The following PGS1 variants were observed in gnomAD, a reference collection of about 807,000 sequenced individuals.
PGS1 encodes the protein phosphatidylglycerophosphate synthase 1, also known as CDP-diacylglycerol--glycerol-3-phosphate 3-phosphatidyltransferase, mitochondrial.
A neutral mutation model predicts 58.3 loss-of-function variants in PGS1; 44 were observed. That is an observed-to-expected ratio of 0.75 (90% CI 0.59 to 0.97). The LOEUF is 0.97. Among genes scored for constraint, PGS1 ranks in the 50% least tolerant of loss-of-function variants. PGS1 has a pLI of 0.00. For synonymous variants in PGS1, 330 were observed against 311.0 expected, an observed-to-expected ratio of 1.06 and a Z score of -0.64; for missense variants, 684 against 731.1, an observed-to-expected ratio of 0.94 and a Z score of 0.74.
intron 6 of PGS1, among the ~76,000 whole-genome samples, chr17:78,403,258 T>C (rs1002934640): frequency 6.7e-6 from 1 of 150,360 alleles, no homozygotes; most frequent in Non-Finnish European, 1.5e-5. Context: ...GTAACCACTA[T>C]CCTGATTTCT....
In PGS1 at chr17:78,424,315, G is replaced by T; in HGVS notation, c.*265G>T. 1 of 819,378 alleles carries T rather than the reference G, an allele frequency of 1.2e-6. No homozygotes were observed. Among genetic ancestry groups the T allele is most frequent in the South Asian group, 1.9e-5 (1 of 52,512 alleles). The allele number at this position is 819,378 out of a possible 1,614,324, so 50.8% of individuals were successfully genotyped here. ...ACGGCTGGAAGCAGAGGCCTTCGTA[G>T]GTGATGGCCTGCATGTTGTAACTAC... On this transcript the variant is annotated 3_prime_UTR_variant, in exon 10 of 10. Transcript: ENST00000262764.
intron 1 of PGS1, among the ~76,000 whole-genome samples, chr17:78,380,360 C>T (rs1224763225): frequency 9.2e-5 from 14 of 152,214 alleles, no homozygotes; most frequent in Non-Finnish European, 1.5e-4. Context: ...ATTCTAGGTA[C>T]AGAAAAGAGC....
At chr17:78,399,325 C>G in intron 4 of PGS1, 23 bp from the exon 5 acceptor site, 17 of 1,598,246 alleles carry the variant, frequency 1.1e-5, no homozygotes, top group Non-Finnish European at 1.5e-5. Context: ...GAGTCAGGTG[C>G]CGTTTTCTCT....
At chr17:78,416,891 A>G (rs534563603) in intron 8 of PGS1, among the ~76,000 whole-genome samples, 1 of 152,256 alleles carries the variant, frequency 6.6e-6, no homozygotes, top group Non-Finnish European at 1.5e-5. Flanking sequence ...TAGCCTCCCC[A>G]CAACCCAGAA....
At chr17:78,420,531 G>A (rs1258972041) in intron 9 of PGS1, 2 of 147,794 alleles carry the variant, frequency 1.4e-5, no homozygotes, top group Non-Finnish European at 2.9e-5. Context: ...CCTTTGGATG[G>A]TGGCTTGTGG....
At chr17:78,388,441 C>T (rs376380634) in intron 1 of PGS1, among the ~76,000 whole-genome samples, 5 of 152,240 alleles carry the variant, frequency 3.3e-5, no homozygotes, top group East Asian at 1.9e-4. Context: ...GTCACGCGAT[C>T]GTCCCCCTCA....
At chr17:78,402,911 C>T (rs976004611) in intron 6 of PGS1, among the ~76,000 whole-genome samples, 1 of 152,104 alleles carries the variant, frequency 6.6e-6, no homozygotes, top group East Asian at 1.9e-4. Context: ...TGCATGGTCA[C>T]CTGTCACCAG....
intron 1 of PGS1, among the ~76,000 whole-genome samples, chr17:78,386,486 C>T (rs535291854): frequency 1.3e-5 from 2 of 152,240 alleles, no homozygotes; most frequent in South Asian, 2.1e-4. Flanking sequence ...TAGAACTGGG[C>T]GCTAGATGGT....
At chr17:78,390,391 T>C (rs558884280) in intron 1 of PGS1, among the ~76,000 whole-genome samples, 18 of 152,136 alleles carry the variant, frequency 1.2e-4, no homozygotes, top group African/African-American at 2.9e-4. Context: ...ACTTCCAGGA[T>C]CCACAGAGGC....
At chr17:78,407,468 G>A (rs1245995699) in intron 7 of PGS1, among the ~76,000 whole-genome samples, 1 of 152,236 alleles carries the variant, frequency 6.6e-6, no homozygotes, top group Admixed American at 6.5e-5. Context: ...GGCTGGCCCA[G>A]TGGACCATTC....
chr17:78,393,034 G>A (rs909311769), intron 2 of PGS1, among the ~76,000 whole-genome samples: 18 of 148,912 alleles, frequency 1.2e-4, no homozygotes, highest in Non-Finnish European at 4.5e-5. Flanking sequence ...ACTGGCCACT[G>A]TGTGCGGCCA....
intron 1 of PGS1, among the ~76,000 whole-genome samples, chr17:78,389,432 G>C (rs934406509): frequency 2.6e-5 from 4 of 151,732 alleles, no homozygotes; most frequent in Admixed American, 6.6e-5. Context: ...TGATCTGCCC[G>C]CCTTGGCCTC....
intron 2 of PGS1, among the ~76,000 whole-genome samples, chr17:78,394,578 G>A (rs981495353): frequency 6.6e-6 from 1 of 151,062 alleles, no homozygotes; most frequent in Non-Finnish European, 1.5e-5. Context: ...TTTTTAAGAC[G>A]GAGTTTCGCT....
At chr17:78,383,596 C>T (rs535460916) in intron 1 of PGS1, among the ~76,000 whole-genome samples, 1 of 152,276 alleles carries the variant, frequency 6.6e-6, no homozygotes, top group Admixed American at 6.5e-5. Context: ...GAGGGACCAC[C>T]AGATTTCCAG....
At chr17:78,423,096 C>T (rs2146377160) in intron 9 of PGS1, among the ~76,000 whole-genome samples, 1 of 92,128 alleles carries the variant, frequency 1.1e-5, no homozygotes, top group South Asian at 4.7e-4. Context: ...GAAACTCTCA[C>T]TCTCCCTCGA....
chr17:78,383,328 G>A (rs1229362752), intron 1 of PGS1, among the ~76,000 whole-genome samples: 4 of 151,968 alleles, frequency 2.6e-5, no homozygotes, highest in African/African-American at 4.8e-5. Flanking sequence ...CTGGCTTCAA[G>A]CGATTCTCCT....
chr17:78,420,722 CTTTTCA>C (rs1239513397), intron 9 of PGS1: 2 of 152,156 alleles, frequency 1.3e-5, no homozygotes, highest in Non-Finnish European at 2.9e-5. Context: ...ATTTTAATTA[CTTTTCA>C]TTTTATTTGA....
chr17:78,418,016 G>C (rs908614833), intron 8 of PGS1, among the ~76,000 whole-genome samples: 1 of 147,898 alleles, frequency 6.8e-6, no homozygotes, highest in Non-Finnish European at 1.5e-5. Context: ...TGTAACCTCT[G>C]CCTCCCGGGT....
At chr17:78,398,428 C>T (rs2083410766) in intron 4 of PGS1, 77 bp downstream of exon 4, 2 of 974,350 alleles carry the variant, frequency 2.1e-6, no homozygotes, top group Non-Finnish European at 3.3e-6. Flanking sequence ...CTGTCACCCC[C>T]TCATCCCCAG....
Sources: allele counts gnomAD v4.1 joint callset (sites outside exome capture counted in the v4.1 genomes callset), GRCh38; gene constraint gnomAD v4.1.1; transcripts MANE v1.5; gene names NCBI Gene and HGNC (gene_info 2026-07-23, HGNC 2026-07-21).